Variants in PPIP5K2 observed in about 807,000 individuals in gnomAD.
The protein encoded by PPIP5K2 is diphosphoinositol pentakisphosphate kinase 2, also known as inositol hexakisphosphate and diphosphoinositol-pentakisphosphate kinase 2.
PPIP5K2 carries 105 observed loss-of-function variants against 154.6 expected under a neutral mutation model. That is an observed-to-expected ratio of 0.68 (90% CI 0.58 to 0.80). The LOEUF is 0.80. Ranked by LOEUF, PPIP5K2 falls within the 30% of genes least tolerant of loss-of-function variation. The pLI is 0.00. For synonymous variants in PPIP5K2, 480 were observed against 490.3 expected, an observed-to-expected ratio of 0.98 and a Z score of 0.28; for missense variants, 992 against 1,504.6, an observed-to-expected ratio of 0.66 and a Z score of 5.64.
intron 3 of PPIP5K2, among the ~76,000 whole-genome samples, chr5:103,135,745 G>T (rs1791375200): frequency 6.6e-6 from 1 of 152,104 alleles, no homozygotes. Flanking sequence ...CCAATATAGA[G>T]AATAAAATAC....
At position 103,149,235 on chromosome 5, in the gene PPIP5K2, A is replaced by G. The variant is rs1794218530; in HGVS notation, c.828A>G (p.Glu276=). The part of the protein sequence containing the change: ...ALDGKVERDS[E]GKEVRYPVIL... ...ATGGCAAGGTGGAACGAGACAGTGAAGGAAAAGAAGTAAGATACCCTGTTA... is the reference window on the plus strand; with the variant it reads ...ATGGCAAGGTGGAACGAGACAGTGAGGGAAAAGAAGTAAGATACCCTGTTA... Residue 276 remains glutamate (E), a synonymous_variant, in exon 8 of 31, where the codon GAA becomes GAG. Coordinates refer to ENST00000358359, the MANE Select transcript of PPIP5K2 (RefSeq NM_001276277.3). 6.2e-7 allele frequency: 1 copy of G among 1,614,048 alleles called. No homozygotes were observed. Among genetic ancestry groups the G allele is most frequent in the Non-Finnish European group, 8.5e-7 (1 of 1,179,942 alleles).
At chr5:103,143,800 C>CCACA (rs145891864) in intron 5 of PPIP5K2, among the ~76,000 whole-genome samples, 36,690 of 151,706 alleles carry the variant, frequency 0.24, 5,039 homozygotes, top group East Asian at 0.44. Flanking sequence ...GTGATAAAAG[C>CCACA]GCTATATGAC....
At chr5:103,163,780 A>G (rs1259199377) in intron 17 of PPIP5K2, among the ~76,000 whole-genome samples, 1 of 151,928 alleles carries the variant, frequency 6.6e-6, no homozygotes, top group Non-Finnish European at 1.5e-5. Flanking sequence ...TGAATGTGAA[A>G]CTAACCTTGG....
chr5:103,143,039 A>T (rs896151478), intron 5 of PPIP5K2, among the ~76,000 whole-genome samples: 3 of 151,940 alleles, frequency 2.0e-5, no homozygotes, highest in Non-Finnish European at 4.4e-5. Flanking sequence ...AGTTTTTAAA[A>T]TTTTCTTTTT....
intron 14 of PPIP5K2, among the ~76,000 whole-genome samples, chr5:103,157,501 G>A (rs1308400742): frequency 1.3e-5 from 2 of 151,950 alleles, no homozygotes; most frequent in Admixed American, 6.6e-5. Flanking sequence ...GTATCTGGCC[G>A]GGCGCAGTGG....
rs1790258512 is a variant in PPIP5K2 at position 103,129,463 on chromosome 5, C to T, written c.-127C>T. Reference sequence around the variant, plus strand: ...TCATAATATCAAGTGATTGTATAAGCAGAAACAAGCTGTCACAGACCTGTG... The same window carrying T: ...TCATAATATCAAGTGATTGTATAAGTAGAAACAAGCTGTCACAGACCTGTG... On this transcript the variant is annotated 5_prime_UTR_variant, in exon 2 of 31. Coordinates refer to ENST00000358359, the MANE Select transcript of PPIP5K2 (RefSeq NM_001276277.3). 1.6e-6 allele frequency: 1 copy of T among 631,236 alleles called. No individual in the cohort carries two copies. The highest frequency in any genetic ancestry group is 2.5e-6 in the Non-Finnish European group (1 of 403,416). 39.1% of individuals were successfully genotyped at this position (631,236 alleles called of 1,614,324 possible). A position where few individuals can be genotyped will look rare whatever the true frequency, so the allele number is the denominator to read the frequency against.
At chr5:103,156,153 T>C (rs1795377799) in intron 14 of PPIP5K2, among the ~76,000 whole-genome samples, 159 bp downstream of exon 14, 1 of 152,196 alleles carries the variant, frequency 6.6e-6, no homozygotes, top group South Asian at 2.1e-4. Flanking sequence ...TTTCTTTAAA[T>C]AAAGGATACA....
chr5:103,127,205 T>C (rs1789835690), intron 1 of PPIP5K2, among the ~76,000 whole-genome samples: 1 of 152,230 alleles, frequency 6.6e-6, no homozygotes, highest in African/African-American at 2.4e-5. Flanking sequence ...TCATAAAATG[T>C]GTGTATACAC....
At chr5:103,169,081 G>A (rs1235338626) in intron 19 of PPIP5K2, among the ~76,000 whole-genome samples, 3 of 151,782 alleles carry the variant, frequency 2.0e-5, no homozygotes, top group African/African-American at 7.2e-5. Context: ...TGGGGGACAT[G>A]GGTCTTTTCA....
intron 5 of PPIP5K2, among the ~76,000 whole-genome samples, chr5:103,142,394 G>A (rs1792924574): frequency 6.6e-6 from 1 of 152,072 alleles, no homozygotes; most frequent in South Asian, 2.1e-4. Context: ...CCGCCCCGCA[G>A]CCCCAGTTCC....
chr5:103,142,347 C>G (rs1792908195), intron 5 of PPIP5K2, among the ~76,000 whole-genome samples: 1 of 152,184 alleles, frequency 6.6e-6, no homozygotes, highest in South Asian at 2.1e-4. Flanking sequence ...CAAGCCCAAG[C>G]CCACGCCCAC....
intron 4 of PPIP5K2, 127 bp from the exon 5 acceptor site, chr5:103,138,255 TAA>T: frequency 7.1e-6 from 3 of 421,528 alleles, no homozygotes; most frequent in East Asian, 3.8e-5. Flanking sequence ...ATTTAAAAAA[TAA>T]AAAGTGTTGA....
In PPIP5K2 at chr5:103,183,381, T is replaced by C. The variant is rs1554223801; in HGVS notation, c.3070T>C (p.Ser1024Pro). 6.2e-7 allele frequency: 1 copy of C among 1,610,702 alleles called. No individual in the cohort carries two copies. Among genetic ancestry groups the C allele is most frequent in the African/African-American group, 1.3e-5 (1 of 74,518 alleles). ...CTCCCCCAAATCATTGGCTTTCACA[T>C]CCAGTATTTTTGGCTCATGGCAACA... ...PVSPKSLAFT[S>P]SIFGSWQQVV... The change falls in exon 25 of 31, where the codon TCC (serine) becomes CCC (proline). Residue 1024 changes from serine (S) to proline (P), a missense_variant. Physicochemically the swap from Ser to Pro is moderately conservative, Grantham distance 74. Coordinates refer to ENST00000358359, the MANE Select transcript of PPIP5K2 (RefSeq NM_001276277.3).
intron 5 of PPIP5K2, among the ~76,000 whole-genome samples, chr5:103,141,459 G>A (rs782164238): frequency 4.6e-5 from 7 of 152,114 alleles, no homozygotes; most frequent in African/African-American, 7.2e-5. Context: ...GCAGATCTTC[G>A]CGGTGAGTGT....
In PPIP5K2 at chr5:103,167,217, G is replaced by A; in HGVS notation, c.1959G>A (p.Met653Ile). Reference sequence around the variant, plus strand: ...GAAGCATTTCTCTTATCAAATCAATGCATTTAATTAAAAACCCTGTGAAGA... The same window carrying A: ...GAAGCATTTCTCTTATCAAATCAATACATTTAATTAAAAACCCTGTGAAGA... ...PSGSISLIKS[M>I]HLIKNPVKTC... The change falls in exon 18 of 31, where the codon ATG becomes ATA. Residue 653 changes from methionine to isoleucine, a missense_variant. By Grantham distance (10) the Met-to-Ile change is conservative. Around this residue, in one of 9 missense-constraint regions of PPIP5K2, gnomAD observed 82 missense variants for 91.8 expected, o/e 0.89. Coordinates refer to ENST00000358359, the MANE Select transcript of PPIP5K2 (RefSeq NM_001276277.3). 1 of 1,588,894 alleles carries A rather than the reference G, an allele frequency of 6.3e-7. No homozygotes were observed. The highest frequency in any genetic ancestry group is 8.6e-7 in the Non-Finnish European group (1 of 1,166,352).
rs1463134855 is a variant in PPIP5K2 at position 103,186,329 on chromosome 5, G to C, written c.3179G>C (p.Cys1060Ser). The C allele has an allele frequency of 2.5e-6, 4 of 1,613,766 alleles. No homozygotes were observed. The highest frequency in any genetic ancestry group is 3.4e-6 in the Non-Finnish European group (4 of 1,179,818). ...CTCTAACTCCCATCAGGGTCTCACT[G>C]TGCGGGCCTGTTTAGCACCTCGGTG... ...QKQNPTVGSH[C>S]AGLFSTSVLG... Residue 1060 changes from cysteine (C) to serine (S), a missense_variant, in exon 27 of 31, where the codon TGT (cysteine) becomes TCT (serine). Around this residue, in one of 9 missense-constraint regions of PPIP5K2, gnomAD observed 204 missense variants for 224.0 expected, o/e 0.91. Transcript: ENST00000358359.
chr5:103,184,861 G>A (rs2149770602), intron 26 of PPIP5K2, 117 bp downstream of exon 26: 1 of 666,528 alleles, frequency 1.5e-6, no homozygotes, highest in Non-Finnish European at 2.5e-6. Flanking sequence ...TTTATTTAAT[G>A]TGTACTAATT....
Position 103,180,552 on chromosome 5 carries a change from T to C in PPIP5K2, c.2922+364T>C, listed in dbSNP as rs560931272. Among the ~76,000 whole-genome samples the C allele has an allele frequency of 3.3e-5, 5 of 152,074 alleles. No homozygotes were observed. The South Asian group carries it at 1.0e-3, about 32-fold the overall frequency. On this transcript the variant is annotated intron_variant, in intron 24 of 30. Coordinates refer to ENST00000358359, the MANE Select transcript of PPIP5K2 (RefSeq NM_001276277.3). ...GCCTGATTTAATGGATCAAGAATAATTTTAGTTAGAGAGCAAGCCGGGCAT... is the reference window on the plus strand; with the variant it reads ...GCCTGATTTAATGGATCAAGAATAACTTTAGTTAGAGAGCAAGCCGGGCAT...
chr5:103,149,972 G>A (rs1794372897), intron 8 of PPIP5K2, among the ~76,000 whole-genome samples: 1 of 152,052 alleles, frequency 6.6e-6, no homozygotes, highest in South Asian at 2.1e-4. Flanking sequence ...TGGAATTACA[G>A]GTGTGAGCCA....
Sources: allele counts gnomAD v4.1 joint callset (sites outside exome capture counted in the v4.1 genomes callset), GRCh38; gene constraint gnomAD v4.1.1; regional missense constraint gnomAD v4.1.1; transcripts MANE v1.5; gene names NCBI Gene and HGNC (gene_info 2026-07-23, HGNC 2026-07-21).